Variants in HBP1 observed in about 807,000 individuals in gnomAD.
The protein encoded by HBP1 is HMG-box transcription factor 1, also known as HMG box-containing protein 1.
In HBP1, 20 loss-of-function variants were observed where a neutral mutation model predicts 62.6. The observed-to-expected ratio is 0.32, with a 90% CI of 0.22 to 0.46. The LOEUF (loss-of-function observed/expected upper bound fraction) is 0.46. Ranked by LOEUF, HBP1 falls within the 20% of genes least tolerant of loss-of-function variation. HBP1 has a pLI of 1.00. For synonymous variants in HBP1, 232 were observed against 206.2 expected (o/e 1.12, Z -1.07); for missense variants, 480 against 611.8 (o/e 0.78, Z 2.27).
chr7:107,184,055 T>C (rs753494057), intron 3 of HBP1, among the ~76,000 whole-genome samples: 1 of 152,244 alleles, frequency 6.6e-6, no homozygotes, highest in Non-Finnish European at 1.5e-5. Context: ...TTAGGCCATA[T>C]ACATTTTAGA....
At chr7:107,178,012 A>G (rs570340026) in intron 1 of HBP1, among the ~76,000 whole-genome samples, 1 of 152,350 alleles carries the variant, frequency 6.6e-6, no homozygotes, top group African/African-American at 2.4e-5. Context: ...GAAAGCTTAT[A>G]AATATTAAGT....
At chr7:107,175,192 G>A (rs1444763056) in intron 1 of HBP1, among the ~76,000 whole-genome samples, 1 of 149,854 alleles carries the variant, frequency 6.7e-6, no homozygotes, top group Non-Finnish European at 1.5e-5. Flanking sequence ...TTCTGATCAT[G>A]TCAGACCTCT....
At chr7:107,182,295 C>T (rs910529950) in intron 2 of HBP1, 78 bp from the exon 3 acceptor site, 1 of 755,972 alleles carries the variant, frequency 1.3e-6, no homozygotes, top group African/African-American at 1.7e-5. Flanking sequence ...TTGAGGACTT[C>T]TCTTTTAACT....
In HBP1 at chr7:107,195,983, C is replaced by T. The variant is rs1333618101; in HGVS notation, c.1217C>T (p.Ser406Leu). 1.2e-6 allele frequency: 2 copies of T among 1,613,970 alleles called. No individual in the cohort carries two copies. Among genetic ancestry groups the T allele is most frequent in the African/African-American group, 2.7e-5 (2 of 74,906 alleles). Reference sequence around the variant, plus strand: ...AAAAACTGTGGCTCACCTGGATCATCACAGCTCTCTTCCAATTCTTTGTAT... The same window carrying T: ...AAAAACTGTGGCTCACCTGGATCATTACAGCTCTCTTCCAATTCTTTGTAT... ...FSKNCGSPGS[S>L]QLSSNSLYAK... Residue 406 changes from serine to leucine, a missense_variant, in exon 9 of 11, where the codon TCA becomes TTA. Around this residue, in one of 4 missense-constraint regions of HBP1, gnomAD observed 66 missense variants for 56.4 expected, o/e 1.17. Coordinates refer to ENST00000222574, the MANE Select transcript of HBP1 (RefSeq NM_012257.4).
chr7:107,169,034 A>T lies in HBP1; in HGVS notation c.-167A>T, dbSNP rs1337670633. On this transcript the variant is annotated 5_prime_UTR_variant, in exon 1 of 11. Transcript: ENST00000222574. ...GGTAATGGCGACGGGTTTGGTAAGT[A>T]GGAAAGTTTCGGTTGAGGAGTAAGA... The T allele has an allele frequency of 3.9e-6, 5 of 1,288,962 alleles. No homozygotes were observed. The South Asian group carries it at 6.2e-5, about 16-fold the overall frequency. 79.8% of individuals were successfully genotyped at this position (1,288,962 alleles called of 1,614,324 possible). A position where few individuals can be genotyped will look rare whatever the true frequency, so the allele number is the denominator to read the frequency against.
intron 7 of HBP1, 27 bp from the exon 8 acceptor site, chr7:107,190,146 C>G (rs1181113863): frequency 1.3e-6 from 2 of 1,572,864 alleles, no homozygotes; most frequent in Non-Finnish European, 1.7e-6. Flanking sequence ...GAGTCCTCAT[C>G]CTTTATGCAA....
At chr7:107,198,855 G>T (rs1458317942) in intron 9 of HBP1, among the ~76,000 whole-genome samples, 3 of 152,140 alleles carry the variant, frequency 2.0e-5, no homozygotes, top group African/African-American at 7.2e-5. Context: ...ATAGTCTACA[G>T]CATTGTGTAC....
At chr7:107,184,078 TC>T (rs1797239814) in intron 3 of HBP1, among the ~76,000 whole-genome samples, 1 of 152,230 alleles carries the variant, frequency 6.6e-6, no homozygotes, top group Admixed American at 6.5e-5. Flanking sequence ...ATCACATTGT[TC>T]CCTTCATTTT....
intron 1 of HBP1, among the ~76,000 whole-genome samples, chr7:107,170,634 A>T (rs1796508966): frequency 6.6e-6 from 1 of 152,136 alleles, no homozygotes; most frequent in African/African-American, 2.4e-5. Flanking sequence ...ACTTTAAAGC[A>T]AAATATTGTT....
intron 8 of HBP1, among the ~76,000 whole-genome samples, chr7:107,195,230 C>T (rs1340294591): frequency 1.3e-5 from 2 of 152,174 alleles, no homozygotes; most frequent in African/African-American, 4.8e-5. Flanking sequence ...CCATGTTGCC[C>T]AGGCTGGTCT....
At chr7:107,190,035 A>G in intron 7 of HBP1, 138 bp from the exon 8 acceptor site, 1 of 617,050 alleles carries the variant, frequency 1.6e-6, no homozygotes, top group Admixed American at 2.9e-5. Flanking sequence ...TATTGTAAAG[A>G]TACATGACTT....
In HBP1 at chr7:107,200,207, A is replaced by G; in HGVS notation, c.1433A>G (p.Glu478Gly). ...LGDRWKKMKN[E>G]ERRMYTLEAK... ...GACAGGTGGAAGAAAATGAAGAATGAAGAGAGAAGAATGTACACATTAGAA... is the reference window on the plus strand; with the variant it reads ...GACAGGTGGAAGAAAATGAAGAATGGAGAGAGAAGAATGTACACATTAGAA... Residue 478 changes from glutamate (E) to glycine (G), a missense_variant, in exon 10 of 11, where the codon GAA (glutamate) becomes GGA (glycine). Around this residue, in one of 4 missense-constraint regions of HBP1, gnomAD observed 52 missense variants for 96.0 expected, o/e 0.54. Coordinates refer to ENST00000222574, the MANE Select transcript of HBP1 (RefSeq NM_012257.4). 6 of 1,610,184 alleles carry G rather than the reference A, an allele frequency of 3.7e-6. No homozygotes were observed. Among genetic ancestry groups the G allele is most frequent in the Non-Finnish European group, 4.2e-6 (5 of 1,177,354 alleles).
chr7:107,196,905 C>G (rs1002915033), intron 9 of HBP1: 8 of 152,462 alleles, frequency 5.2e-5, no homozygotes, highest in African/African-American at 1.9e-4. Flanking sequence ...TCCCAAAGTG[C>G]AAGATCTACC....
At chr7:107,196,290 A>T (rs1334253711) in intron 9 of HBP1, 139 bp downstream of exon 9, 1 of 708,536 alleles carries the variant, frequency 1.4e-6, no homozygotes, top group Non-Finnish European at 2.5e-6. Flanking sequence ...TGTTTTTGAG[A>T]CGGAGTCTCG....
chr7:107,199,693 A>G (rs894898974), intron 9 of HBP1, among the ~76,000 whole-genome samples: 1 of 152,232 alleles, frequency 6.6e-6, no homozygotes, highest in East Asian at 1.9e-4. Context: ...CAGAGTAACA[A>G]ACAGGAGAAA....
chr7:107,175,644 T>A (rs1796801059), intron 1 of HBP1, among the ~76,000 whole-genome samples: 1 of 152,048 alleles, frequency 6.6e-6, no homozygotes, highest in African/African-American at 2.4e-5. Flanking sequence ...TATATTCTGA[T>A]CTCACTAGGA....
chr7:107,196,350 C>T (rs1294719085), intron 9 of HBP1, 199 bp downstream of exon 9: 3 of 586,420 alleles, frequency 5.1e-6, no homozygotes, highest in Non-Finnish European at 9.5e-6. Context: ...CTCACTGCAA[C>T]CTCCGCCTTC....
chr7:107,186,453 C>G lies in HBP1; in HGVS notation c.633C>G (p.Val211=), dbSNP rs763773364. The G allele has an allele frequency of 6.2e-7, 1 of 1,609,914 alleles. No homozygotes were observed. The highest frequency in any genetic ancestry group is 2.2e-5 in the East Asian group (1 of 44,850). ...GGTGCAATTCCTGGCCTTCAACTGT[C>G]TGGCACTGTTTTTTGAAAGGTAAAA... ...LGWCNSWPST[V]WHCFLKGTRL... The change falls in exon 5 of 11, where the codon GTC becomes GTG. Residue 211 remains valine, a synonymous_variant. Transcript: ENST00000222574.
At chr7:107,181,906 A>T (rs1797123700) in intron 2 of HBP1, among the ~76,000 whole-genome samples, 1 of 152,146 alleles carries the variant, frequency 6.6e-6, no homozygotes, top group South Asian at 2.1e-4. Flanking sequence ...ATAGGAAAAA[A>T]TAACCGATAA....
Sources: gnomAD v4.1 joint callset for allele counts (sites outside exome capture counted in the v4.1 genomes callset) on GRCh38, gnomAD v4.1.1 for gene constraint, gnomAD v4.1.1 regional missense constraint, MANE v1.5 for transcripts, NCBI Gene and HGNC (gene_info 2026-07-23, HGNC 2026-07-21) for gene names.